SBNO2: variants seen among roughly 807,000 people sequenced by gnomAD.
The protein encoded by SBNO2 is strawberry notch homolog 2.
A neutral mutation model predicts 146.3 loss-of-function variants in SBNO2; 89 were observed. The ratio of observed to expected loss-of-function variants is 0.61; its 90% confidence interval spans 0.51 to 0.73. The LOEUF is 0.73. SBNO2 is among the 30% of genes least tolerant of loss of function. The pLI is 0.00. For missense variants in SBNO2, 2,092 were observed against 2,003.7 expected, an observed-to-expected ratio of 1.04 and a Z score of -0.84; for synonymous variants, 1,147 against 892.6, an observed-to-expected ratio of 1.29 and a Z score of -5.08.
At chr19:1,166,969 G>A (rs970792322) in intron 1 of SBNO2, among the ~76,000 whole-genome samples, 3 of 152,310 alleles carry the variant, frequency 2.0e-5, no homozygotes, top group Non-Finnish European at 4.4e-5. Flanking sequence ...TGGCTCGACC[G>A]GTCACCACTG....
At chr19:1,116,288 C>T (rs891985286) in intron 16 of SBNO2, among the ~76,000 whole-genome samples, 185 bp from the exon 17 acceptor site, 1 of 152,056 alleles carries the variant, frequency 6.6e-6, no homozygotes, top group South Asian at 2.1e-4. Flanking sequence ...TCTCCTCTGG[C>T]CTCCTGGTGT....
intron 11 of SBNO2, among the ~76,000 whole-genome samples, chr19:1,120,695 A>G: frequency 6.6e-6 from 1 of 151,376 alleles, no homozygotes; most frequent in South Asian, 2.1e-4. Context: ...TTTGAGACGA[A>G]GTCTCGCTCT....
chr19:1,147,324 G>C lies in SBNO2; in HGVS notation c.264C>G (p.Thr88=). 1.3e-6 allele frequency: 2 copies of C among 1,578,100 alleles called. No individual in the cohort carries two copies. ...VATASSLPPK[T]CDFAQDSSYF... Reference sequence around the variant, plus strand: ...GGGCTCCTACCTGAGCAAAGTCGCAGGTCTTTGGTGGCAAGCTGGAGGCGG... The same window carrying C: ...GGGCTCCTACCTGAGCAAAGTCGCACGTCTTTGGTGGCAAGCTGGAGGCGG... Residue 88 remains threonine (T), a synonymous_variant, in exon 4 of 32, where the codon ACC becomes ACG. Transcript: ENST00000361757.
At chr19:1,156,174 C>T (rs1018162248) in intron 1 of SBNO2, among the ~76,000 whole-genome samples, 2 of 152,148 alleles carry the variant, frequency 1.3e-5, no homozygotes, top group Non-Finnish European at 2.9e-5. Context: ...TAGGCCAGCA[C>T]GGTGCTCCTG....
chr19:1,112,600 C>A lies in SBNO2; in HGVS notation c.2380-63G>T. 6.6e-7 allele frequency: 1 copy of A among 1,508,380 alleles called. No homozygotes were observed. Among genetic ancestry groups the A allele is most frequent in the Non-Finnish European group, 8.8e-7 (1 of 1,131,740 alleles). The allele number at this position is 1,508,380 out of a possible 1,614,324, so 93.4% of individuals were successfully genotyped here. A position where few individuals can be genotyped will look rare whatever the true frequency, so the allele number is the denominator to read the frequency against. Reference sequence around the variant, plus strand: ...AGGCCCGCCCCAGCGTTGCCGCCACCTCCTCACCCACTAGGCCCCCGCTCC... The same window carrying A: ...AGGCCCGCCCCAGCGTTGCCGCCACATCCTCACCCACTAGGCCCCCGCTCC... On this transcript the variant is annotated intron_variant, in intron 20 of 31. Transcript: ENST00000361757. This position sits in a 1 kb window ranked among gnomAD's most constrained non-coding sequence, Gnocchi z 5.9.
At position 1,174,225 on chromosome 19, in the gene SBNO2, C is replaced by T. The variant is rs1284483352; in HGVS notation, c.-180G>A. On this transcript the variant is annotated 5_prime_UTR_variant, in exon 1 of 32. Coordinates refer to ENST00000361757, the MANE Select transcript of SBNO2 (RefSeq NM_014963.3). Reference sequence around the variant, plus strand: ...GCCCGCGGCGCCTGTTTCTCCGAGCCTCGCAGCTGCCGCCGCTCACTTCCG... The same window carrying T: ...GCCCGCGGCGCCTGTTTCTCCGAGCTTCGCAGCTGCCGCCGCTCACTTCCG... 3 of 151,882 alleles carry T rather than the reference C, an allele frequency of 2.0e-5. No individual in the cohort carries two copies. Among genetic ancestry groups the T allele is most frequent in the Non-Finnish European group, 4.4e-5 (3 of 67,908 alleles). The allele number at this position is 151,882 out of a possible 1,614,324, so 9.4% of individuals were successfully genotyped here. A position where few individuals can be genotyped will look rare whatever the true frequency, so the allele number is the denominator to read the frequency against.
chr19:1,108,676 G>A lies in SBNO2; in HGVS notation c.3645C>T (p.Arg1215=), dbSNP rs772290379. The part of the protein sequence containing the change: ...VGIKIPEGCV[R]RVLQELRLMD... ...TCAGCCGCAGCTCCTGCAGCACCCG[G>A]CGCACGCAGCCCTCGGGGATCTTGA... Residue 1215 remains arginine (R), a synonymous_variant, in exon 32 of 32, where the codon CGC becomes CGT. Coordinates refer to ENST00000361757, the MANE Select transcript of SBNO2 (RefSeq NM_014963.3). 38 of 1,532,434 alleles carry A rather than the reference G, an allele frequency of 2.5e-5. No individual in the cohort carries two copies. In the Middle Eastern group the frequency reaches 1.0e-3, roughly 42 times the overall value. The allele number at this position is 1,532,434 out of a possible 1,614,324, so 94.9% of individuals were successfully genotyped here.
chr19:1,116,197 G>A, intron 16 of SBNO2, 94 bp from the exon 17 acceptor site: 9 of 1,185,738 alleles, frequency 7.6e-6, no homozygotes, highest in South Asian at 7.0e-5. Flanking sequence ...GGTCCCTGTG[G>A]GGGTCCCGGA....
intron 3 of SBNO2, among the ~76,000 whole-genome samples, chr19:1,147,943 G>C (rs1166952954): frequency 1.3e-5 from 2 of 152,136 alleles, no homozygotes; most frequent in Non-Finnish European, 2.9e-5. Flanking sequence ...GGTCCTGGGG[G>C]CCCCCCGCCC....
chr19:1,127,537 G>C (rs765037363), intron 5 of SBNO2, 67 bp downstream of exon 5: 2 of 1,475,838 alleles, frequency 1.4e-6, no homozygotes, highest in Admixed American at 1.7e-5. Context: ...ACTGGACCGT[G>C]TGGGTCCCGG....
chr19:1,152,521 C>T (rs970230026), intron 2 of SBNO2, among the ~76,000 whole-genome samples: 1 of 151,948 alleles, frequency 6.6e-6, no homozygotes, highest in Non-Finnish European at 1.5e-5. Flanking sequence ...GGCTGACCGA[C>T]GGCCGGTACT....
chr19:1,164,408 G>A (rs1262835532), intron 1 of SBNO2, among the ~76,000 whole-genome samples: 2 of 26,096 alleles, frequency 7.7e-5, no homozygotes, highest in Admixed American at 4.2e-4. Flanking sequence ...GGAGGAGGAG[G>A]AGGAGGAGGA....
chr19:1,154,194 G>A lies in SBNO2; in HGVS notation c.83C>T (p.Pro28Leu), dbSNP rs748293090. Residue 28 changes from proline to leucine, a missense_variant, in exon 2 of 32, where the codon CCG becomes CTG. Coordinates refer to ENST00000361757, the MANE Select transcript of SBNO2 (RefSeq NM_014963.3). Reference sequence around the variant, plus strand: ...GGGGGTGGGGCTCACCTGCAGGGGCGGCGGGCTGTACAGGAGGCTGCCCGC... The same window carrying A: ...GGGGGTGGGGCTCACCTGCAGGGGCAGCGGGCTGTACAGGAGGCTGCCCGC... ...PPAGSLLYSP[P>L]PLQSAMLHCP... 37 of 1,244,362 alleles carry A rather than the reference G, an allele frequency of 3.0e-5. No individual in the cohort carries two copies. Among genetic ancestry groups the A allele is most frequent in the Admixed American group, 1.2e-4 (3 of 25,352 alleles). 77.1% of individuals were successfully genotyped at this position (1,244,362 alleles called of 1,614,324 possible). A position where few individuals can be genotyped will look rare whatever the true frequency, so the allele number is the denominator to read the frequency against.
intron 4 of SBNO2, among the ~76,000 whole-genome samples, chr19:1,130,845 T>G (rs568659283): frequency 2.0e-4 from 31 of 152,274 alleles, no homozygotes; most frequent in Admixed American, 1.2e-3. Flanking sequence ...CTTGCAGCTT[T>G]CAGGCTTCAA....
In SBNO2 at chr19:1,108,857, C is replaced by T. The variant is rs1199609438; in HGVS notation, c.3538G>A (p.Ala1180Thr). The change falls in exon 31 of 32, where the codon GCC (alanine) becomes ACC (threonine). Residue 1180 changes from alanine to threonine, a missense_variant. Ala to Thr is a moderately conservative substitution (Grantham distance 58). Transcript: ENST00000361757. ...ALLRVWGRIA[A>T]VMADVSSSSY... ...CTGCTGCTGACGTCGGCCATGACGG[C>T]GGCGATGCGGCCCCACACGCGCAGC... 6.3e-7 allele frequency: 1 copy of T among 1,596,030 alleles called. No homozygotes were observed. Among genetic ancestry groups the T allele is most frequent in the Non-Finnish European group, 8.5e-7 (1 of 1,177,254 alleles).
chr19:1,138,643 C>G (rs553714704), intron 4 of SBNO2, among the ~76,000 whole-genome samples: 1 of 152,218 alleles, frequency 6.6e-6, no homozygotes, highest in South Asian at 2.1e-4. Context: ...CAGACAGACA[C>G]AGTGGGGCCC....
chr19:1,152,176 T>A (rs2080248488), intron 2 of SBNO2, among the ~76,000 whole-genome samples: 1 of 152,148 alleles, frequency 6.6e-6, no homozygotes, highest in Non-Finnish European at 1.5e-5. Flanking sequence ...GTGGCTGGTG[T>A]CCAGTGCCCC....
At position 1,111,670 on chromosome 19, in the gene SBNO2, G is replaced by A. The variant is rs1486034423; in HGVS notation, c.2701-56C>T. ...CCCAGGGAGGAGGCTGGCTTTCCCT[G>A]GACCCCTGCCTCCCCAGAACCCCAC... On this transcript the variant is annotated intron_variant, in intron 23 of 31. Transcript: ENST00000361757. 2.9e-6 allele frequency: 4 copies of A among 1,371,532 alleles called. No homozygotes were observed. The African/African-American group carries it at 5.8e-5, about 20-fold the overall frequency. The allele number at this position is 1,371,532 out of a possible 1,614,324, so 85.0% of individuals were successfully genotyped here. A position where few individuals can be genotyped will look rare whatever the true frequency, so the allele number is the denominator to read the frequency against.
chr19:1,162,437 G>A (rs1237578573), intron 1 of SBNO2, among the ~76,000 whole-genome samples: 1 of 149,312 alleles, frequency 6.7e-6, no homozygotes. Flanking sequence ...TCCAGCCTGG[G>A]TGAAAGAGCG....
Sources: gnomAD v4.1 joint callset for allele counts (sites outside exome capture counted in the v4.1 genomes callset) on GRCh38, gnomAD v4.1.1 for gene constraint, Gnocchi (gnomAD v3.1) non-coding constraint, MANE v1.5 for transcripts, NCBI Gene and HGNC (gene_info 2026-07-23, HGNC 2026-07-21) for gene names.